The following AP1B1 variants were observed in gnomAD, a reference collection of about 807,000 sequenced individuals.
AP1B1 encodes AP-1 complex subunit beta-1.
AP1B1 carries 36 observed loss-of-function variants against 104.3 expected under a neutral mutation model. That is an observed-to-expected ratio of 0.35 (90% CI 0.26 to 0.46). The LOEUF (loss-of-function observed/expected upper bound fraction) is 0.46. Ranked by LOEUF, AP1B1 falls within the 20% of genes least tolerant of loss-of-function variation. The pLI is 1.00. For synonymous variants in AP1B1, 504 were observed against 517.5 expected, an observed-to-expected ratio of 0.97 and a Z score of 0.35; for missense variants, 901 against 1,247.9, an observed-to-expected ratio of 0.72 and a Z score of 4.19.
intron 16 of AP1B1, among the ~76,000 whole-genome samples, chr22:29,336,866 C>A (rs547268095): frequency 1.3e-5 from 2 of 151,916 alleles, no homozygotes; most frequent in South Asian, 4.1e-4. Context: ...AAGGCCAGCT[C>A]CAGGCTTATT....
At chr22:29,335,428 C>G (rs1044983468) in intron 16 of AP1B1, among the ~76,000 whole-genome samples, 7 of 152,114 alleles carry the variant, frequency 4.6e-5, no homozygotes, top group Non-Finnish European at 8.8e-5. Flanking sequence ...ACCCTAACCC[C>G]CTTGAGACAG....
intron 15 of AP1B1, 98 bp from the exon 16 acceptor site, chr22:29,339,231 G>A: frequency 7.3e-7 from 1 of 1,368,426 alleles, no homozygotes; most frequent in Non-Finnish European, 1.0e-6. Flanking sequence ...GAAGACACTG[G>A]GGGCAGGGGG....
chr22:29,346,691 G>T (rs1177831328), intron 11 of AP1B1, among the ~76,000 whole-genome samples: 1 of 152,174 alleles, frequency 6.6e-6, no homozygotes, highest in Non-Finnish European at 1.5e-5. Flanking sequence ...TCCCAGGCAG[G>T]ACTTGACTGC....
chr22:29,342,231 C>T, intron 12 of AP1B1, 54 bp downstream of exon 12: 2 of 1,456,344 alleles, frequency 1.4e-6, no homozygotes, highest in South Asian at 1.2e-5. Flanking sequence ...GACAAAAGTT[C>T]CCCTGCTTGA....
At position 29,352,891 on chromosome 22, in the gene AP1B1, G is replaced by A. The variant is rs185825850; in HGVS notation, c.939-1066C>T. ...AATCGGCCTGCTGTGAGAGTGAGACGAGAAGCATCCAGCATGATCGATGCC... is the reference window on the plus strand; with the variant it reads ...AATCGGCCTGCTGTGAGAGTGAGACAAGAAGCATCCAGCATGATCGATGCC... On this transcript the variant is annotated intron_variant, in intron 7 of 22. Transcript: ENST00000357586. Among the ~76,000 whole-genome samples the A allele has an allele frequency of 3.7e-4, 56 of 152,306 alleles. No homozygotes were observed. The East Asian group carries it at 9.6e-3, about 26-fold the overall frequency.
At chr22:29,368,493 C>G (rs2062179028) in intron 1 of AP1B1, among the ~76,000 whole-genome samples, 1 of 152,178 alleles carries the variant, frequency 6.6e-6, no homozygotes, top group Non-Finnish European at 1.5e-5. Flanking sequence ...ATTTACTGAG[C>G]CCCTATTAAA....
At chr22:29,351,113 T>C in intron 9 of AP1B1, 58 bp downstream of exon 9, 5 of 1,513,808 alleles carry the variant, frequency 3.3e-6, no homozygotes, top group Non-Finnish European at 3.6e-6. Context: ...TCAGACTGGT[T>C]TCCCGGTTTC....
At position 29,331,862 on chromosome 22, in the gene AP1B1, G is replaced by T; in HGVS notation, c.2364C>A (p.Asn788Lys). Residue 788 changes from asparagine (N) to lysine (K), a missense_variant, in exon 18 of 23, where the codon AAC becomes AAA. Physicochemically the swap from Asn to Lys is moderately conservative, Grantham distance 94. This residue lies in a region of AP1B1 where 424 missense variants were observed against 494.0 expected (regional missense o/e 0.86). Coordinates refer to ENST00000357586, the MANE Select transcript of AP1B1 (RefSeq NM_001127.4). ...GAGGCAGGGAGATCTCCACTGTCTG[G>T]TTGGGGCTGAGTGGCGCGTGGACCT... ...PLQVHAPLSPNQTVEISLPLS... is the reference protein window; with the variant it reads ...PLQVHAPLSPKQTVEISLPLS... The T allele has an allele frequency of 6.2e-7, 1 of 1,614,024 alleles. No homozygotes were observed. Among genetic ancestry groups the T allele is most frequent in the Non-Finnish European group, 8.5e-7 (1 of 1,179,962 alleles).
At chr22:29,330,073 C>G (rs2061534184) in intron 21 of AP1B1, 1 of 1,412,756 alleles carries the variant, frequency 7.1e-7, no homozygotes, top group Admixed American at 2.9e-5. Flanking sequence ...AGGGCCAGGG[C>G]CTGTGCCCAG....
At chr22:29,340,960 C>T in intron 13 of AP1B1, 103 bp from the exon 14 acceptor site, 1 of 1,183,792 alleles carries the variant, frequency 8.4e-7, no homozygotes, top group Non-Finnish European at 1.2e-6. Context: ...GGCACTGAGT[C>T]TCCTCACTGT....
intron 1 of AP1B1, among the ~76,000 whole-genome samples, chr22:29,374,266 T>C (rs937414351): frequency 1.7e-5 from 2 of 117,896 alleles, no homozygotes; most frequent in African/African-American, 7.8e-5. Flanking sequence ...AAAGGAAGAA[T>C]GAAACATTGC....
At chr22:29,329,898 G>A in intron 21 of AP1B1, 178 bp from the exon 22 acceptor site, 8 of 1,453,620 alleles carry the variant, frequency 5.5e-6, no homozygotes, top group South Asian at 1.4e-5. Context: ...TGGGGGAGAA[G>A]CAGAGTTTGG....
At chr22:29,355,243 A>G (rs1340116280) in intron 6 of AP1B1, among the ~76,000 whole-genome samples, 1 of 151,900 alleles carries the variant, frequency 6.6e-6, no homozygotes, top group Non-Finnish European at 1.5e-5. Flanking sequence ...TCTCGAAAAA[A>G]AAAAAAATAG....
intron 16 of AP1B1, among the ~76,000 whole-genome samples, chr22:29,338,707 T>G (rs174766): frequency 0.68 from 102,766 of 151,942 alleles, 35,723 homozygotes; most frequent in African/African-American, 0.85. Context: ...ACAAAGGCCG[T>G]GGTCTCCCTT....
chr22:29,339,849 G>T, intron 14 of AP1B1, 75 bp from the exon 15 acceptor site: 1 of 1,463,074 alleles, frequency 6.8e-7, no homozygotes, highest in African/African-American at 1.4e-5. Context: ...GGAAGACAGA[G>T]AAACAAGAGA....
rs73156542 is a variant in AP1B1 at position 29,356,632 on chromosome 22, G to A, written c.526-16C>T. ...TGGCCACCACCTGGTTGAGAGGGTGGGAGGGGCAGAGGCTGGGGGTGCTGC... is the reference window on the plus strand; with the variant it reads ...TGGCCACCACCTGGTTGAGAGGGTGAGAGGGGCAGAGGCTGGGGGTGCTGC... On this transcript the variant is annotated splice_polypyrimidine_tract_variant and intron_variant, in intron 5 of 22. Coordinates refer to ENST00000357586, the MANE Select transcript of AP1B1 (RefSeq NM_001127.4). The A allele has an allele frequency of 0.027, 42,922 of 1,612,464 alleles. 667 individuals are homozygous for A. The highest frequency in any genetic ancestry group is 0.031 in the Non-Finnish European group (36,994 of 1,178,962).
rs569772166 is a variant in AP1B1, at chr22:29,342,576, C to T, written c.1438-193G>A. Among the ~76,000 whole-genome samples the T allele has an allele frequency of 4.9e-4, 75 of 152,344 alleles. No homozygotes were observed. In the South Asian group the frequency reaches 0.014, roughly 29 times the overall value. ...TTGGTGCCGCTGAGCAGCCAGACCTCGGCATCACTCACTCAGGAAGGAGCT... is the reference window on the plus strand; with the variant it reads ...TTGGTGCCGCTGAGCAGCCAGACCTTGGCATCACTCACTCAGGAAGGAGCT... On this transcript the variant is annotated intron_variant, in intron 11 of 22. Coordinates refer to ENST00000357586, the MANE Select transcript of AP1B1 (RefSeq NM_001127.4).
At chr22:29,337,880 C>T (rs1344240687) in intron 16 of AP1B1, among the ~76,000 whole-genome samples, 3 of 152,238 alleles carry the variant, frequency 2.0e-5, no homozygotes, top group Non-Finnish European at 2.9e-5. Context: ...CTGCCCCACC[C>T]CTTCCCTGCA....
At chr22:29,375,125 T>C (rs1287988651) in intron 1 of AP1B1, among the ~76,000 whole-genome samples, 2 of 151,918 alleles carry the variant, frequency 1.3e-5, no homozygotes, top group Admixed American at 1.3e-4. Flanking sequence ...CCGAGGCAGG[T>C]GGATCACAAG....
Sources: allele counts gnomAD v4.1 joint callset (sites outside exome capture counted in the v4.1 genomes callset), GRCh38; gene constraint gnomAD v4.1.1; regional missense constraint gnomAD v4.1.1; transcripts MANE v1.5; gene names NCBI Gene and HGNC (gene_info 2026-07-23, HGNC 2026-07-21).